The following PCDHGA2 variants were observed in gnomAD, a reference collection of about 807,000 sequenced individuals.
The protein encoded by PCDHGA2 is protocadherin gamma-A2.
Under a neutral mutation model 59.2 loss-of-function variants are expected in PCDHGA2, and 40 were observed. The observed-to-expected ratio is 0.68, with a 90% confidence interval of 0.52 to 0.88. The LOEUF is 0.88. PCDHGA2 is among the 40% of genes least tolerant of loss of function. The pLI is 0.00. For synonymous variants in PCDHGA2, 560 were observed against 526.0 expected, an observed-to-expected ratio of 1.06 and a Z score of -0.89; for missense variants, 1,226 against 1,204.0, an observed-to-expected ratio of 1.02 and a Z score of -0.27.
chr5:141,434,566 G>A (rs1280487112), intron 1 of PCDHGA2, among the ~76,000 whole-genome samples: 1 of 152,196 alleles, frequency 6.6e-6, no homozygotes, highest in African/African-American at 2.4e-5. Flanking sequence ...TTAAGGACAT[G>A]CCCCTGCTGC....
intron 1 of PCDHGA2, among the ~76,000 whole-genome samples, chr5:141,472,980 CAAAAA>C (rs60579131): frequency 1.2e-5 from 1 of 86,106 alleles, no homozygotes; most frequent in African/African-American, 3.9e-5. Flanking sequence ...GAGTGAAACT[CAAAAA>C]AAAAAAAAAA....
intron 1 of PCDHGA2, chr5:141,426,739 GC>G (rs1345744337): frequency 8.8e-6 from 4 of 453,408 alleles, no homozygotes; most frequent in Non-Finnish European, 1.8e-5. Flanking sequence ...ATTCGGTTTG[GC>G]CTGGAATCTG....
chr5:141,370,845 A>T, intron 1 of PCDHGA2: 1 of 1,614,066 alleles, frequency 6.2e-7, no homozygotes, highest in South Asian at 1.1e-5. Flanking sequence ...CACTGGAGCC[A>T]CATTTGCCCT....
chr5:141,361,581 C>T (rs1306719531), intron 1 of PCDHGA2: 2 of 1,614,056 alleles, frequency 1.2e-6, no homozygotes, highest in South Asian at 1.1e-5. Flanking sequence ...CTGACTTGGG[C>T]CCCAGTGGCC....
chr5:141,400,736 G>A, intron 1 of PCDHGA2: 1 of 630,462 alleles, frequency 1.6e-6, no homozygotes, highest in Non-Finnish European at 2.7e-6. Context: ...AGTAGTGAGA[G>A]TTTGCTCTTA....
chr5:141,362,108 C>A, intron 1 of PCDHGA2: 4 of 1,613,972 alleles, frequency 2.5e-6, no homozygotes, highest in Non-Finnish European at 3.4e-6. Context: ...TCCGCTACGG[C>A]CACGCTGCAC....
At chr5:141,406,185 A>G (rs1204342088) in intron 1 of PCDHGA2, among the ~76,000 whole-genome samples, 1 of 150,712 alleles carries the variant, frequency 6.6e-6, no homozygotes, top group Non-Finnish European at 1.5e-5. Flanking sequence ...CAATCCTCCC[A>G]CCTCAGCCTT....
At chr5:141,386,663 G>A (rs532080624) in intron 1 of PCDHGA2, among the ~76,000 whole-genome samples, 7 of 151,932 alleles carry the variant, frequency 4.6e-5, no homozygotes, top group Non-Finnish European at 1.0e-4. Flanking sequence ...GTTCTGCAGT[G>A]TTCACATTTC....
At chr5:141,409,097 G>C in intron 1 of PCDHGA2, 1 of 1,613,958 alleles carries the variant, frequency 6.2e-7, no homozygotes, top group Non-Finnish European at 8.5e-7. Context: ...TGAGAAAACA[G>C]GTATGATTAA....
At chr5:141,385,415 T>C (rs1781181251) in intron 1 of PCDHGA2, 2 of 1,466,016 alleles carry the variant, frequency 1.4e-6, no homozygotes, top group Non-Finnish European at 1.8e-6. Context: ...AAAATAGGGA[T>C]TTAAAAAACT....
rs375569568 is a variant in PCDHGA2, at chr5:141,357,473, C to T, written c.2424+16078C>T. 69 of 1,614,098 alleles carry T rather than the reference C, an allele frequency of 4.3e-5. No individual in the cohort carries two copies. The highest frequency in any genetic ancestry group is 5.3e-5 in the Non-Finnish European group (63 of 1,180,050). The stretch of plus-strand genomic sequence containing the variant: ...CTGCAGACCTATTCCCACGAGGTCT[C>T]CCTCACCGCGGACTCGCGGAAGAGT... On this transcript the variant is annotated intron_variant, in intron 1 of 3. Transcript: ENST00000394576.
chr5:141,422,360 G>C (rs766368774), intron 1 of PCDHGA2: 1 of 1,559,254 alleles, frequency 6.4e-7, no homozygotes, highest in African/African-American at 1.4e-5. Context: ...CAAGATTCTG[G>C]AGAAAATGGT....
intron 2 of PCDHGA2, among the ~76,000 whole-genome samples, chr5:141,501,690 A>G (rs760011264): frequency 5.3e-5 from 8 of 152,158 alleles, no homozygotes; most frequent in Non-Finnish European, 1.0e-4. Context: ...ACTTATCTGC[A>G]GGGTGATTCC....
At chr5:141,370,214 C>A (rs988145754) in intron 1 of PCDHGA2, 8 of 565,608 alleles carry the variant, frequency 1.4e-5, no homozygotes, top group Non-Finnish European at 2.1e-5. Flanking sequence ...ATTGGCTCCT[C>A]CCGCTGCAGC....
intron 1 of PCDHGA2, 66 bp downstream of exon 1, chr5:141,341,461 T>C (rs748762005): frequency 6.2e-7 from 1 of 1,601,226 alleles, no homozygotes; most frequent in South Asian, 1.1e-5. Flanking sequence ...ACTTGTTTAC[T>C]ATATCTATTT....
rs1485520054 is a variant in PCDHGA2 at position 141,511,210 on chromosome 5, C to T, written c.*37C>T. 6.2e-7 allele frequency: 1 copy of T among 1,609,328 alleles called. No individual in the cohort carries two copies. The highest frequency in any genetic ancestry group is 1.3e-5 in the African/African-American group (1 of 74,896). ...GGCCAAGAGCCACAGGGCGGCCTCT[C>T]CCCAACCAGCCCAGCTTCTCCTTAC... On this transcript the variant is annotated 3_prime_UTR_variant, in exon 4 of 4. Transcript: ENST00000394576.
chr5:141,432,413 G>T lies in PCDHGA2; in HGVS notation c.2425-62394G>T, dbSNP rs369816901. On this transcript the variant is annotated intron_variant, in intron 1 of 3. Transcript: ENST00000394576. This position sits in a 1 kb window ranked among gnomAD's most constrained non-coding sequence, Gnocchi z 6.0. ...CAGCAACGTGTCGTTGAGCCTGTTCGTGCTGGACCAGAACGACAATGCGCC... is the reference window on the plus strand; with the variant it reads ...CAGCAACGTGTCGTTGAGCCTGTTCTTGCTGGACCAGAACGACAATGCGCC... The T allele has an allele frequency of 6.2e-7, 1 of 1,614,232 alleles. No homozygotes were observed.
At chr5:141,389,424 G>T in intron 1 of PCDHGA2, 1 of 1,613,510 alleles carries the variant, frequency 6.2e-7, no homozygotes, top group Non-Finnish European at 8.5e-7. Context: ...GGTGGTGTTC[G>T]CGCAGCGCGC....
At chr5:141,345,443 C>T (rs1432015114) in intron 1 of PCDHGA2, 2 of 1,614,120 alleles carry the variant, frequency 1.2e-6, no homozygotes, top group Admixed American at 1.7e-5. Flanking sequence ...GAGGAGCCTC[C>T]ATCTTCTCAG....
Sources: gnomAD v4.1 joint callset for allele counts (sites outside exome capture counted in the v4.1 genomes callset) on GRCh38, gnomAD v4.1.1 for gene constraint, Gnocchi (gnomAD v3.1) non-coding constraint, MANE v1.5 for transcripts, NCBI Gene and HGNC (gene_info 2026-07-23, HGNC 2026-07-21) for gene names.